CYFIP2: variants seen among roughly 807,000 people sequenced by gnomAD.
CYFIP2 encodes cytoplasmic FMR1 interacting protein 2, also known as cytoplasmic FMR1-interacting protein 2.
In CYFIP2, 29 loss-of-function variants were observed where a neutral mutation model predicts 158.7. That is an observed-to-expected ratio of 0.18 (90% CI 0.14 to 0.25). CYFIP2 has a LOEUF of 0.25. CYFIP2 is among the 10% of genes least tolerant of loss of function. The pLI, the probability that CYFIP2 is intolerant of heterozygous loss-of-function variation, is 1.00. For missense variants in CYFIP2, 852 were observed against 1,639.5 expected (o/e 0.52, Z 8.29); for synonymous variants, 585 against 617.6 (o/e 0.95, Z 0.78).
chr5:157,348,487 C>G (rs1478057830), intron 23 of CYFIP2, among the ~76,000 whole-genome samples: 1 of 152,208 alleles, frequency 6.6e-6, no homozygotes, highest in Non-Finnish European at 1.5e-5. Flanking sequence ...TTGCGGCTCA[C>G]TGCAACCTCT....
rs3052310 is a variant in CYFIP2, at chr5:157,393,207, GAAA to G, written c.*222_*224del. On this transcript the variant is annotated 3_prime_UTR_variant, in exon 31 of 31. Transcript: ENST00000620254. ...ATGCTGGTTTCTCCATAGCATAAAT[GAAA>G]AAAAAAAAAAAAAAGTAAACAGGGC... 8.7e-3 allele frequency: 2,409 copies of G among 278,336 alleles called. No homozygotes were observed. The highest frequency in any genetic ancestry group is 0.016 in the East Asian group (279 of 17,416). The allele number at this position is 278,336 out of a possible 1,614,324, so 17.2% of individuals were successfully genotyped here. A position where few individuals can be genotyped will look rare whatever the true frequency, so the allele number is the denominator to read the frequency against.
At chr5:157,270,663 A>G (rs1170190934) in intron 1 of CYFIP2, among the ~76,000 whole-genome samples, 1 of 152,206 alleles carries the variant, frequency 6.6e-6, no homozygotes, top group East Asian at 1.9e-4. Flanking sequence ...TGGGAAAGAG[A>G]AATGAGGACC....
chr5:157,277,176 G>A (rs1053761613), intron 1 of CYFIP2: 2 of 152,084 alleles, frequency 1.3e-5, no homozygotes, highest in African/African-American at 4.8e-5. Flanking sequence ...GACTACAGGT[G>A]CGCACCACTA....
intron 6 of CYFIP2, 148 bp downstream of exon 6, chr5:157,301,044 C>T (rs1758704504): frequency 1.5e-6 from 1 of 668,160 alleles, no homozygotes; most frequent in South Asian, 2.9e-5. Context: ...GAGGCTTGGC[C>T]TGTTTCAGTG....
At chr5:157,392,252 G>A (rs1368590925) in intron 30 of CYFIP2, among the ~76,000 whole-genome samples, 1 of 152,054 alleles carries the variant, frequency 6.6e-6, no homozygotes, top group African/African-American at 2.4e-5. Context: ...TTGATGTAGT[G>A]CAACTTTTTG....
intron 30 of CYFIP2, among the ~76,000 whole-genome samples, chr5:157,391,101 G>A (rs1696837659): frequency 6.6e-6 from 1 of 152,036 alleles, no homozygotes; most frequent in African/African-American, 2.4e-5. Context: ...AGGAGAGGGA[G>A]GCTGTGTCTG....
At chr5:157,383,901 A>C (rs1474755267) in intron 28 of CYFIP2, among the ~76,000 whole-genome samples, 2 of 152,230 alleles carry the variant, frequency 1.3e-5, no homozygotes, top group Non-Finnish European at 2.9e-5. Flanking sequence ...ATCAGTGTGG[A>C]TAGATCATAG....
At chr5:157,319,485 T>C (rs937227644) in intron 13 of CYFIP2, among the ~76,000 whole-genome samples, 1 of 152,244 alleles carries the variant, frequency 6.6e-6, no homozygotes, top group African/African-American at 2.4e-5. Context: ...TGGGAGCTCA[T>C]GCGAGGATGA....
intron 3 of CYFIP2, among the ~76,000 whole-genome samples, chr5:157,287,485 A>G (rs1053089992): frequency 1.3e-5 from 2 of 152,212 alleles, no homozygotes; most frequent in Non-Finnish European, 2.9e-5. Flanking sequence ...AAAAAGGGAC[A>G]TTGGCTTTGG....
At chr5:157,367,806 G>A (rs972599234) in intron 26 of CYFIP2, among the ~76,000 whole-genome samples, 1 of 144,766 alleles carries the variant, frequency 6.9e-6, no homozygotes, top group African/African-American at 2.6e-5. Context: ...CCAGGCTGGA[G>A]TGCAGTGGCA....
chr5:157,287,545 A>G (rs1014779570), intron 3 of CYFIP2, among the ~76,000 whole-genome samples: 2 of 152,160 alleles, frequency 1.3e-5, no homozygotes, highest in Non-Finnish European at 2.9e-5. Context: ...ATCATTTGCA[A>G]ATAGGGCCAG....
chr5:157,342,718 G>T, intron 23 of CYFIP2: 1 of 786,244 alleles, frequency 1.3e-6, no homozygotes, highest in Non-Finnish European at 1.9e-6. Flanking sequence ...GCTTTGTCAT[G>T]GGGCATTCAT....
At chr5:157,343,511 G>A (rs367831706) in intron 23 of CYFIP2, 3 of 1,579,550 alleles carry the variant, frequency 1.9e-6, no homozygotes, top group South Asian at 2.3e-5. Context: ...TCCTGTATAA[G>A]AAATGTTCCC....
At chr5:157,342,811 A>G (rs778113223) in intron 23 of CYFIP2, 1 of 1,529,958 alleles carries the variant, frequency 6.5e-7, no homozygotes, top group Non-Finnish European at 8.8e-7. Context: ...CAAACGACCT[A>G]CTGTGTGGAA....
chr5:157,301,935 T>A (rs1429349333), intron 6 of CYFIP2, among the ~76,000 whole-genome samples: 1 of 152,144 alleles, frequency 6.6e-6, no homozygotes, highest in Non-Finnish European at 1.5e-5. Context: ...GAAAACAGAC[T>A]GATTCTCACA....
intron 26 of CYFIP2, among the ~76,000 whole-genome samples, chr5:157,373,477 T>C (rs571540758): frequency 6.6e-6 from 1 of 152,314 alleles, no homozygotes; most frequent in African/African-American, 2.4e-5. Context: ...ATCTGATCTT[T>C]AGAAGGCCCC....
At chr5:157,376,920 T>C in intron 26 of CYFIP2, 1 of 456,156 alleles carries the variant, frequency 2.2e-6, no homozygotes, top group Non-Finnish European at 4.4e-6. Flanking sequence ...TTACCTTGCC[T>C]GAATCTGACC....
At chr5:157,298,379 T>C (rs1005868110) in intron 5 of CYFIP2, among the ~76,000 whole-genome samples, 19 of 152,144 alleles carry the variant, frequency 1.2e-4, no homozygotes, top group African/African-American at 4.1e-4. Context: ...TCGCTCAGGC[T>C]GGAGTGCGGT....
At chr5:157,373,167 A>G (rs10053978) in intron 26 of CYFIP2, among the ~76,000 whole-genome samples, 93 of 152,342 alleles carry the variant, frequency 6.1e-4, no homozygotes, top group African/African-American at 2.0e-3. Context: ...AGCCATGCCT[A>G]TTCCACCAAC....
Sources: gnomAD v4.1 joint callset for allele counts (sites outside exome capture counted in the v4.1 genomes callset) on GRCh38, gnomAD v4.1.1 for gene constraint, MANE v1.5 for transcripts, NCBI Gene and HGNC (gene_info 2026-07-23, HGNC 2026-07-21) for gene names.